The following DLC1 variants were observed in gnomAD, a reference collection of about 807,000 sequenced individuals.
The protein encoded by DLC1 is rho GTPase-activating protein 7.
DLC1 carries 54 observed loss-of-function variants against 140.3 expected under a neutral mutation model. The ratio of observed to expected loss-of-function variants is 0.38; its 90% CI spans 0.31 to 0.48. The LOEUF (loss-of-function observed/expected upper bound fraction) is 0.48. Ranked by LOEUF, DLC1 falls within the 20% of genes least tolerant of loss-of-function variation. DLC1 has a pLI of 0.96. For missense variants in DLC1, 2,536 were observed against 1,907.0 expected, an observed-to-expected ratio of 1.33 and a Z score of -6.14; for synonymous variants, 986 against 728.1, an observed-to-expected ratio of 1.35 and a Z score of -5.70.
intron 2 of DLC1, among the ~76,000 whole-genome samples, chr8:13,419,061 T>C (rs1287727577): frequency 6.6e-6 from 1 of 152,078 alleles, no homozygotes; most frequent in Admixed American, 6.6e-5. Context: ...TGTACATTGA[T>C]TTTGTATCCT....
chr8:13,407,114 A>G (rs954358559), intron 2 of DLC1, among the ~76,000 whole-genome samples: 9 of 152,196 alleles, frequency 5.9e-5, no homozygotes, highest in African/African-American at 2.2e-4. Context: ...ATTTCAATTC[A>G]ATTTGATTTA....
At chr8:13,417,140 G>T (rs977042904) in intron 2 of DLC1, among the ~76,000 whole-genome samples, 53 of 152,226 alleles carry the variant, frequency 3.5e-4, no homozygotes, top group Middle Eastern at 6.8e-3. Flanking sequence ...AAAGCAACAC[G>T]ATGGGATTTT....
At position 13,292,606 on chromosome 8, in the gene DLC1, C is replaced by G. The variant is rs76280018; in HGVS notation, c.1348+12663G>C. ...GTTCATCATTGCAGTTGGGGTGCAG[C>G]CATCAGAGGCCTTAGAAATAATACT... On this transcript the variant is annotated intron_variant, in intron 5 of 17. Transcript: ENST00000276297. Among the ~76,000 whole-genome samples the G allele has an allele frequency of 4.5e-3, 679 of 152,058 alleles. 2 individuals are homozygous for G. Among genetic ancestry groups the G allele is most frequent in the African/African-American group, 0.016 (656 of 41,454 alleles).
chr8:13,199,177 CTTTT>C (rs71207132), intron 5 of DLC1, among the ~76,000 whole-genome samples: 2,666 of 93,172 alleles, frequency 0.029, 25 homozygotes, highest in African/African-American at 0.056. Flanking sequence ...TTCTCTTTTT[CTTTT>C]TTTTTTTTTT....
At chr8:13,302,214 AGAG>A (rs748322142) in intron 5 of DLC1, among the ~76,000 whole-genome samples, 4 of 152,202 alleles carry the variant, frequency 2.6e-5, no homozygotes, top group African/African-American at 7.2e-5. Flanking sequence ...TCAATTGAGA[AGAG>A]GAGAAGGAGG....
chr8:13,100,603 G>C lies in DLC1; in HGVS notation c.1734C>G (p.Pro578=), dbSNP rs368994756. 4 of 1,614,032 alleles carry C rather than the reference G, an allele frequency of 2.5e-6. No homozygotes were observed. Among genetic ancestry groups the C allele is most frequent in the Non-Finnish European group, 3.4e-6 (4 of 1,179,992 alleles). The change falls in exon 9 of 18, where the codon CCC becomes CCG. Residue 578 remains proline, a synonymous_variant. Coordinates refer to ENST00000276297, the MANE Select transcript of DLC1 (RefSeq NM_182643.3). ...CGCTGAGGTCCATCAGCGTGCCTCC[G>C]GGGCTGGGGCCGTCCTTCGGGTGGG... ...DDSHPKDGPS[P]GGTLMDLSER...
intron 4 of DLC1, among the ~76,000 whole-genome samples, chr8:13,387,792 C>G (rs1320273478): frequency 6.6e-6 from 1 of 151,946 alleles, no homozygotes; most frequent in Non-Finnish European, 1.5e-5. Context: ...GTGCAATGAT[C>G]CATTAGGAAA....
chr8:13,320,998 C>G (rs1405105311), intron 4 of DLC1, among the ~76,000 whole-genome samples: 1 of 152,192 alleles, frequency 6.6e-6, no homozygotes, highest in Non-Finnish European at 1.5e-5. Context: ...TTACCAGATG[C>G]AGATGCCAGC....
intron 4 of DLC1, chr8:13,342,129 A>G (rs138512104): frequency 6.6e-6 from 1 of 152,338 alleles, no homozygotes; most frequent in African/African-American, 2.4e-5. Context: ...ACCATGACCA[A>G]TGAGGTATCA....
At chr8:13,426,420 C>A (rs954380544) in intron 2 of DLC1, among the ~76,000 whole-genome samples, 1 of 152,106 alleles carries the variant, frequency 6.6e-6, no homozygotes, top group South Asian at 2.1e-4. Flanking sequence ...TAATTGAATA[C>A]CAACATCTTT....
intron 16 of DLC1, among the ~76,000 whole-genome samples, chr8:13,087,749 T>G (rs758424671): frequency 1.3e-4 from 20 of 152,246 alleles, no homozygotes; most frequent in Non-Finnish European, 2.5e-4. Context: ...ACTTCCAATG[T>G]GACATTTCCA....
intron 5 of DLC1, among the ~76,000 whole-genome samples, chr8:13,258,191 T>A (rs977118937): frequency 2.0e-5 from 3 of 152,134 alleles, no homozygotes; most frequent in African/African-American, 7.2e-5. Context: ...AGCGTCACAC[T>A]CGGAACTCTT....
chr8:13,204,589 C>T (rs1238267627), intron 5 of DLC1, among the ~76,000 whole-genome samples: 1 of 152,128 alleles, frequency 6.6e-6, no homozygotes, highest in Non-Finnish European at 1.5e-5. Context: ...GTTTTAGAAG[C>T]AGTAAAATAT....
At chr8:13,340,222 A>G (rs917073267) in intron 4 of DLC1, 1 of 152,118 alleles carries the variant, frequency 6.6e-6, no homozygotes, top group Admixed American at 6.6e-5. Context: ...TTTTTTTGAG[A>G]TGGAATCTCA....
chr8:13,592,770 G>A (rs572296574), intron 1 of DLC1, among the ~76,000 whole-genome samples: 46 of 152,146 alleles, frequency 3.0e-4, no homozygotes, highest in Non-Finnish European at 2.8e-4. Context: ...TTTCTTTCTG[G>A]TGCAGTTTAT....
intron 1 of DLC1, among the ~76,000 whole-genome samples, chr8:13,552,174 G>GAC (rs1406949456): frequency 4.1e-5 from 4 of 97,996 alleles, no homozygotes; most frequent in African/African-American, 1.5e-4. Flanking sequence ...TATCTGTCTA[G>GAC]AGGTGTATAT....
intron 5 of DLC1, among the ~76,000 whole-genome samples, chr8:13,234,624 A>G (rs1829199081): frequency 6.6e-6 from 1 of 152,108 alleles, no homozygotes; most frequent in South Asian, 2.1e-4. Context: ...AAGTGGTAGA[A>G]TACCTTTACT....
intron 5 of DLC1, among the ~76,000 whole-genome samples, chr8:13,135,435 C>T (rs1004166831): frequency 2.6e-5 from 4 of 152,072 alleles, no homozygotes; most frequent in African/African-American, 9.7e-5. Flanking sequence ...CCTACCTCAG[C>T]CTCCCAAAGT....
intron 2 of DLC1, among the ~76,000 whole-genome samples, chr8:13,471,616 G>C (rs112813712): frequency 1.3e-5 from 2 of 151,694 alleles, no homozygotes; most frequent in Non-Finnish European, 1.5e-5. Flanking sequence ...GAAATGATCT[G>C]TACAACAAAA....
Sources: allele counts gnomAD v4.1 joint callset (sites outside exome capture counted in the v4.1 genomes callset), GRCh38; gene constraint gnomAD v4.1.1; transcripts MANE v1.5; gene names NCBI Gene and HGNC (gene_info 2026-07-23, HGNC 2026-07-21).